DZANK1: variants seen among roughly 807,000 people sequenced by gnomAD.
DZANK1 encodes double zinc ribbon and ankyrin repeat-containing protein 1.
Under a neutral mutation model 94.5 loss-of-function variants are expected in DZANK1, and 91 were observed. The observed-to-expected ratio is 0.96, with a 90% CI of 0.81 to 1.15. The LOEUF (loss-of-function observed/expected upper bound fraction) is 1.15, where lower values mean the gene tolerates loss of function less well. Ranked by LOEUF, DZANK1 falls within the 50% of genes most tolerant of loss-of-function variation. DZANK1 has a pLI of 0.00. For synonymous variants in DZANK1, 312 were observed against 325.3 expected (o/e 0.96, Z 0.44); for missense variants, 903 against 916.4 (o/e 0.99, Z 0.19).
chr20:18,466,384 T>A (rs930862296), intron 1 of DZANK1, among the ~76,000 whole-genome samples: 1 of 152,216 alleles, frequency 6.6e-6, no homozygotes, highest in Non-Finnish European at 1.5e-5. Flanking sequence ...TGTCTGCAGT[T>A]TGAGCTTTGT....
At chr20:18,423,248 A>G (rs1340876780) in intron 10 of DZANK1, among the ~76,000 whole-genome samples, 1 of 152,216 alleles carries the variant, frequency 6.6e-6, no homozygotes, top group East Asian at 1.9e-4. Flanking sequence ...TGATGCTAAC[A>G]CAACAATGAA....
chr20:18,408,114 G>A (rs767286481), intron 13 of DZANK1, among the ~76,000 whole-genome samples: 2 of 152,154 alleles, frequency 1.3e-5, no homozygotes, highest in African/African-American at 2.4e-5. Context: ...TCAGGAGCTC[G>A]AGACCAGCCT....
chr20:18,384,747 A>G (rs2048381357), intron 20 of DZANK1, among the ~76,000 whole-genome samples, 183 bp from the exon 21 acceptor site: 1 of 152,182 alleles, frequency 6.6e-6, no homozygotes, highest in Admixed American at 6.5e-5. Flanking sequence ...AAACCTTTAA[A>G]GAGGCTCTGT....
intron 11 of DZANK1, among the ~76,000 whole-genome samples, chr20:18,414,956 A>G (rs537783620): frequency 3.3e-5 from 5 of 152,318 alleles, no homozygotes; most frequent in Non-Finnish European, 7.3e-5. Context: ...GAACTGTGGG[A>G]CTTAGAGAGA....
At chr20:18,437,544 G>A (rs975624169) in intron 8 of DZANK1, among the ~76,000 whole-genome samples, 9 of 151,702 alleles carry the variant, frequency 5.9e-5, no homozygotes, top group African/African-American at 1.9e-4. Flanking sequence ...GTGCCACTGC[G>A]CTCACTCCAG....
Position 18,384,572 on chromosome 20 carries a change from G to C in DZANK1, c.2094-8C>G. On this transcript the variant is annotated splice_region_variant and splice_polypyrimidine_tract_variant and intron_variant, in intron 20 of 20. Transcript: ENST00000262547. ...TGGATGCTTGCATTGCATCTGCAAA[G>C]GAAATGGAGAAACGGAGGTGCACTG... The C allele has an allele frequency of 6.3e-7, 1 of 1,593,028 alleles. No homozygotes were observed. The highest frequency in any genetic ancestry group is 8.6e-7 in the Non-Finnish European group (1 of 1,169,452).
chr20:18,407,259 A>C (rs953262107), intron 13 of DZANK1, among the ~76,000 whole-genome samples: 1 of 152,224 alleles, frequency 6.6e-6, no homozygotes, highest in Middle Eastern at 3.2e-3. Context: ...GGCTCAGCAC[A>C]CAAAGAGAGA....
At chr20:18,416,305 G>A (rs947813593) in intron 10 of DZANK1, among the ~76,000 whole-genome samples, 1 of 152,212 alleles carries the variant, frequency 6.6e-6, no homozygotes, top group Non-Finnish European at 1.5e-5. Flanking sequence ...ATTACCCACA[G>A]TTAAGTGGAT....
chr20:18,414,648 T>C, intron 11 of DZANK1, 136 bp from the exon 12 acceptor site: 1 of 1,070,180 alleles, frequency 9.3e-7, no homozygotes, highest in Non-Finnish European at 1.3e-6. Context: ...ATCCTACAGA[T>C]GGACAAGTAC....
In DZANK1 at chr20:18,449,064, G is replaced by A. The variant is rs760967503; in HGVS notation, c.549C>T (p.Pro183=). 20 of 1,613,160 alleles carry A rather than the reference G, an allele frequency of 1.2e-5. No homozygotes were observed. In the African/African-American group the frequency reaches 1.5e-4, roughly 12 times the overall value. ...TCTGACCGCTTACGTGTGCAAAACC[G>A]GGGGACTAAAATTAAGAATATAGGT... Residue 183 remains proline (P), a synonymous_variant, in exon 7 of 21, where the codon CCC becomes CCT. Transcript: ENST00000262547.
At chr20:18,449,139 A>C in intron 6 of DZANK1, 70 bp from the exon 7 acceptor site, 1 of 1,287,994 alleles carries the variant, frequency 7.8e-7, no homozygotes, top group South Asian at 1.2e-5. Context: ...GCTATGGTAT[A>C]GTAAAATTCC....
At chr20:18,388,471 G>A (rs2048648133) in intron 19 of DZANK1, among the ~76,000 whole-genome samples, 1 of 152,210 alleles carries the variant, frequency 6.6e-6, no homozygotes, top group East Asian at 1.9e-4. Context: ...GACTCACGCT[G>A]CTTACACTTC....
chr20:18,384,500 T>C, exon 21 of DZANK1: 8 of 1,612,156 alleles, frequency 5.0e-6, no homozygotes, highest in Non-Finnish European at 6.8e-6. Flanking sequence ...TCATCTCCAG[T>C]GTTCAGAGCC....
intron 19 of DZANK1, among the ~76,000 whole-genome samples, chr20:18,387,776 A>G (rs1399067509): frequency 6.6e-6 from 1 of 152,254 alleles, no homozygotes; most frequent in Non-Finnish European, 1.5e-5. Flanking sequence ...CTAGGAAATT[A>G]GGAAAGAGTT....
At chr20:18,415,412 G>A (rs1221779026) in exon 11 of DZANK1, 6 of 1,587,832 alleles carry the variant, frequency 3.8e-6, no homozygotes, top group Non-Finnish European at 5.1e-6. Flanking sequence ...CCCTTTCTGA[G>A]TGGGCGGAGG....
rs1275685401 is a variant in DZANK1 at position 18,383,810 on chromosome 20, A to G, written c.*589T>C. ...TTTTAGCTTTGAACCATGTGCAATT[A>G]TTACCTATTGAAAAATAAGTTAAAA... On this transcript the variant is annotated 3_prime_UTR_variant, in exon 21 of 21. Transcript: ENST00000262547. 4 of 152,304 alleles carry G rather than the reference A, an allele frequency of 2.6e-5. No individual in the cohort carries two copies. The South Asian group carries it at 8.3e-4, about 31-fold the overall frequency. The allele number at this position is 152,304 out of a possible 1,614,324, so 9.4% of individuals were successfully genotyped here.
At chr20:18,391,454 C>T (rs952316007) in intron 17 of DZANK1, among the ~76,000 whole-genome samples, 1 of 152,216 alleles carries the variant, frequency 6.6e-6, no homozygotes. Context: ...AGGATGGTCT[C>T]GATCACCTGA....
At chr20:18,448,214 C>T (rs567084987) in intron 7 of DZANK1, among the ~76,000 whole-genome samples, 12 of 152,100 alleles carry the variant, frequency 7.9e-5, no homozygotes, top group Non-Finnish European at 1.6e-4. Flanking sequence ...TAAAAAGAAA[C>T]GGATGTTTGT....
intron 17 of DZANK1, among the ~76,000 whole-genome samples, chr20:18,392,257 G>C (rs886179741): frequency 1.3e-5 from 2 of 152,150 alleles, no homozygotes; most frequent in African/African-American, 4.8e-5. Context: ...TTTCAAACTG[G>C]GAGAAGGTGG....
Sources: gnomAD v4.1 joint callset for allele counts (sites outside exome capture counted in the v4.1 genomes callset) on GRCh38, gnomAD v4.1.1 for gene constraint, MANE v1.5 for transcripts, NCBI Gene and HGNC (gene_info 2026-07-23, HGNC 2026-07-21) for gene names.